Variants in SETD5 observed in about 807,000 individuals in gnomAD.
The protein encoded by SETD5 is histone-lysine N-methyltransferase SETD5.
SETD5 carries 44 observed loss-of-function variants against 153.3 expected under a neutral mutation model. The observed-to-expected ratio is 0.29, with a 90% CI of 0.23 to 0.37. The LOEUF (loss-of-function observed/expected upper bound fraction) is 0.37, where lower values mean the gene tolerates loss of function less well. Ranked by LOEUF, SETD5 falls within the 10% of genes least tolerant of loss-of-function variation. SETD5 has a pLI of 1.00. For synonymous variants in SETD5, 716 were observed against 645.2 expected (o/e 1.11, Z -1.66); for missense variants, 1,544 against 1,768.0 (o/e 0.87, Z 2.27).
intron 1 of SETD5, among the ~76,000 whole-genome samples, chr3:9,417,032 G>A (rs2037571025): frequency 6.6e-6 from 1 of 152,044 alleles, no homozygotes; most frequent in African/African-American, 2.4e-5. Flanking sequence ...TAACAAAAAT[G>A]TTCTTGTTCC....
chr3:9,406,365 A>T (rs1043997586), intron 1 of SETD5, among the ~76,000 whole-genome samples: 2 of 152,204 alleles, frequency 1.3e-5, no homozygotes, highest in African/African-American at 4.8e-5. Flanking sequence ...TATTTTCTCA[A>T]TTTCTATGGT....
chr3:9,467,389 G>A (rs2044736626), intron 18 of SETD5, among the ~76,000 whole-genome samples: 2 of 151,848 alleles, frequency 1.3e-5, no homozygotes, highest in African/African-American at 4.8e-5. Context: ...AAGAGTGGAA[G>A]CAACATTGGG....
intron 1 of SETD5, among the ~76,000 whole-genome samples, chr3:9,405,915 C>T (rs1023112073): frequency 7.9e-5 from 12 of 152,188 alleles, no homozygotes; most frequent in Non-Finnish European, 1.6e-4. Flanking sequence ...CATGCCACAA[C>T]ACATACAATT....
chr3:9,453,943 A>AT, intron 17 of SETD5, 75 bp downstream of exon 17: 1 of 1,399,014 alleles, frequency 7.1e-7, no homozygotes, highest in Non-Finnish European at 9.4e-7. Flanking sequence ...AAGTATGAGT[A>AT]TTTCTGATAC....
intron 18 of SETD5, among the ~76,000 whole-genome samples, chr3:9,468,254 G>C (rs2044857672): frequency 1.3e-5 from 2 of 151,918 alleles, no homozygotes; most frequent in Non-Finnish European, 2.9e-5. Context: ...CCTTGTATGT[G>C]CTTGAGATGT....
intron 12 of SETD5, 42 bp downstream of exon 12, chr3:9,445,342 C>T: frequency 6.3e-7 from 1 of 1,578,378 alleles, no homozygotes; most frequent in Non-Finnish European, 8.6e-7. Context: ...GGCATCAATC[C>T]TCCAAAGGAA....
intron 1 of SETD5, among the ~76,000 whole-genome samples, chr3:9,420,974 T>C (rs2038300300): frequency 6.6e-6 from 1 of 152,214 alleles, no homozygotes; most frequent in Non-Finnish European, 1.5e-5. Flanking sequence ...TCTTCACATA[T>C]ACTTAAAGGG....
At chr3:9,446,149 C>T (rs530923891) in intron 13 of SETD5, among the ~76,000 whole-genome samples, 17 of 150,796 alleles carry the variant, frequency 1.1e-4, no homozygotes, top group Non-Finnish European at 1.6e-4. Flanking sequence ...TAGCCGGGCG[C>T]GGTGGCGGGT....
intron 3 of SETD5, among the ~76,000 whole-genome samples, chr3:9,432,931 G>A (rs2040140865): frequency 6.6e-6 from 1 of 152,206 alleles, no homozygotes; most frequent in Non-Finnish European, 1.5e-5. Flanking sequence ...GTAGTGGAAA[G>A]AGCATAGACT....
intron 16 of SETD5, among the ~76,000 whole-genome samples, chr3:9,453,417 A>G (rs866631345): frequency 6.6e-6 from 1 of 152,150 alleles, no homozygotes; most frequent in African/African-American, 2.4e-5. Flanking sequence ...TCCTAAATAA[A>G]TGTTAAGATT....
chr3:9,404,625 C>G lies in SETD5; in HGVS notation c.-177+6648C>G, dbSNP rs73026964. On this transcript the variant is annotated intron_variant, in intron 1 of 22. Transcript: ENST00000402198. ...GTCAAGCACCAGTCTCCATACCAGA[C>G]AGTTTTCTCTGCATGTGCTATGACC... Among the ~76,000 whole-genome samples, 2 of 152,280 alleles carry G rather than the reference C, an allele frequency of 1.3e-5. 1 individual carries two copies. Among genetic ancestry groups the G allele is most frequent in the Admixed American group, 1.3e-4 (2 of 15,300 alleles).
At chr3:9,446,944 G>T in intron 13 of SETD5, 106 bp from the exon 14 acceptor site, 7 of 707,656 alleles carry the variant, frequency 9.9e-6, no homozygotes, top group Non-Finnish European at 1.6e-5. Context: ...CATCTTACTG[G>T]TAGTTAAATG....
chr3:9,466,266 C>G (rs1575581592), intron 18 of SETD5, among the ~76,000 whole-genome samples: 1 of 108,810 alleles, frequency 9.2e-6, no homozygotes, highest in Non-Finnish European at 1.7e-5. Flanking sequence ...CCAGCCTGGG[C>G]AACAGAGCAA....
chr3:9,425,055 C>CTTTTTTTTTTTT (rs778883904), intron 2 of SETD5, among the ~76,000 whole-genome samples: 23 of 83,642 alleles, frequency 2.7e-4, no homozygotes, highest in Non-Finnish European at 3.4e-4. Context: ...GACAATGTTT[C>CTTTTTTTTTTTT]TTTTTTTTTT....
chr3:9,413,132 C>G (rs1393084203), intron 1 of SETD5, among the ~76,000 whole-genome samples: 1 of 152,144 alleles, frequency 6.6e-6, no homozygotes, highest in African/African-American at 2.4e-5. Flanking sequence ...TTCAGTCTTT[C>G]CCTGTTGATA....
chr3:9,476,012 G>T lies in SETD5; in HGVS notation c.4250G>T (p.Arg1417Leu), dbSNP rs368126889. The T allele has an allele frequency of 6.2e-7, 1 of 1,613,996 alleles. No individual in the cohort carries two copies. Among genetic ancestry groups the T allele is most frequent in the Admixed American group, 1.7e-5 (1 of 60,026 alleles). The change falls in exon 23 of 23, where the codon CGT (arginine) becomes CTT (leucine). Residue 1417 changes from arginine to leucine, a missense_variant. This residue lies in a region of SETD5 where 302 missense variants were observed against 277.6 expected (regional missense o/e 1.09). Coordinates refer to ENST00000402198, the MANE Select transcript of SETD5 (RefSeq NM_001080517.3). ...TCCAATTCACAGCACTACCCACACC[G>T]TGGGAGTGGGGGTGTGCACCAGTAC... ...AVSNSQHYPH[R>L]GSGGVHQYRL...
chr3:9,448,057 A>G (rs931342651), intron 15 of SETD5, 51 bp downstream of exon 15: 31 of 1,537,150 alleles, frequency 2.0e-5, no homozygotes, highest in African/African-American at 4.1e-5. Context: ...GGGCTGTCTT[A>G]GTGAAATGAG....
intron 1 of SETD5, among the ~76,000 whole-genome samples, chr3:9,413,395 G>T (rs1456945379): frequency 6.6e-6 from 1 of 152,108 alleles, no homozygotes; most frequent in Non-Finnish European, 1.5e-5. Flanking sequence ...TTCTGAAAAG[G>T]TATCTTATAA....
chr3:9,454,637 A>AAAAAAAAAAAAAC (rs2043008279), intron 17 of SETD5, among the ~76,000 whole-genome samples: 1 of 151,044 alleles, frequency 6.6e-6, no homozygotes, highest in African/African-American at 2.4e-5. Flanking sequence ...AAAAAAAAAA[A>AAAAAAAAAAAAAC]AAAAAAAAAA....
Sources: allele counts gnomAD v4.1 joint callset (sites outside exome capture counted in the v4.1 genomes callset), GRCh38; gene constraint gnomAD v4.1.1; regional missense constraint gnomAD v4.1.1; transcripts MANE v1.5; gene names NCBI Gene and HGNC (gene_info 2026-07-23, HGNC 2026-07-21).